Variants in LRCH1 observed in about 807,000 individuals in gnomAD.
LRCH1 encodes the protein leucine-rich repeat and calponin homology domain-containing protein 1.
LRCH1 carries 23 observed loss-of-function variants against 94.9 expected under a neutral mutation model. The ratio of observed to expected loss-of-function variants is 0.24; its 90% CI spans 0.17 to 0.34. LRCH1 has a LOEUF of 0.34. Among genes scored for constraint, LRCH1 ranks in the 10% least tolerant of loss-of-function variants. LRCH1 has a pLI of 1.00. For missense variants in LRCH1, 790 were observed against 945.9 expected, an observed-to-expected ratio of 0.84 and a Z score of 2.16; for synonymous variants, 364 against 354.9, an observed-to-expected ratio of 1.03 and a Z score of -0.29.
chr13:46,580,415 A>T (rs568412166), intron 1 of LRCH1, among the ~76,000 whole-genome samples: 22 of 152,188 alleles, frequency 1.4e-4, no homozygotes, highest in Non-Finnish European at 2.2e-4. Flanking sequence ...TATGCATCCT[A>T]CCCAGCAGTT....
At chr13:46,618,999 T>C (rs763665868) in intron 1 of LRCH1, among the ~76,000 whole-genome samples, 2 of 152,226 alleles carry the variant, frequency 1.3e-5, no homozygotes, top group Non-Finnish European at 2.9e-5. Flanking sequence ...AGAAAAATCC[T>C]GTCAGATTCT....
In LRCH1 at chr13:46,652,139, C is replaced by T. The variant is rs113519634; in HGVS notation, c.452+1794C>T. On this transcript the variant is annotated intron_variant, in intron 2 of 19. Transcript: ENST00000389797. ...TCGCCCAGGCTGGAGTGCAGTGGCG[C>T]GATCTCGGCTCACTGCAAGCTCCGC... Among the ~76,000 whole-genome samples the T allele has an allele frequency of 9.9e-3, 1,334 of 134,474 alleles. 37 individuals carry two copies. Among genetic ancestry groups the T allele is most frequent in the East Asian group, 0.041 (139 of 3,368 alleles). The allele number at this position is 134,474 out of a possible 152,430, so 88.2% of individuals were successfully genotyped here.
chr13:46,618,329 A>T (rs1357905500), intron 1 of LRCH1, among the ~76,000 whole-genome samples: 8 of 152,188 alleles, frequency 5.3e-5, no homozygotes, highest in Non-Finnish European at 1.5e-5. Flanking sequence ...ACTAAGGCAT[A>T]AAAAGTGAAA....
intron 18 of LRCH1, among the ~76,000 whole-genome samples, chr13:46,730,918 C>G (rs1419520161): frequency 1.3e-5 from 2 of 152,016 alleles, no homozygotes; most frequent in Non-Finnish European, 2.9e-5. Flanking sequence ...AGGAAAAATG[C>G]TACATTGTTT....
At chr13:46,665,443 G>A (rs1484985112) in intron 2 of LRCH1, among the ~76,000 whole-genome samples, 5 of 152,140 alleles carry the variant, frequency 3.3e-5, no homozygotes, top group African/African-American at 4.8e-5. Context: ...TGCAAATTTA[G>A]GCTGCCAAGA....
At chr13:46,692,761 T>C in intron 8 of LRCH1, 120 bp downstream of exon 8, 1 of 681,822 alleles carries the variant, frequency 1.5e-6, no homozygotes, top group South Asian at 1.9e-5. Flanking sequence ...ATGTACCAGG[T>C]ACTGTGTTCT....
rs759256613 is a variant in LRCH1, at chr13:46,630,836, G to A, written c.308-19365G>A. ...TAAAATAAACAAGGTGGGCAGTCCT[G>A]TATGTGAGGCATTTTTAAACTCTTT... On this transcript the variant is annotated intron_variant, in intron 1 of 19. Transcript: ENST00000389797. Among the ~76,000 whole-genome samples the A allele has an allele frequency of 1.5e-4, 23 of 152,246 alleles. 1 individual carries two copies. Among genetic ancestry groups the A allele is most frequent in the Admixed American group, 1.4e-3 (21 of 15,286 alleles).
At chr13:46,649,192 T>G (rs759874313) in intron 1 of LRCH1, among the ~76,000 whole-genome samples, 73 of 152,314 alleles carry the variant, frequency 4.8e-4, no homozygotes, top group Admixed American at 2.0e-3. Context: ...ACATTTTCTG[T>G]GTTTTCTTTG....
At chr13:46,604,454 A>G (rs2137989297) in intron 1 of LRCH1, among the ~76,000 whole-genome samples, 1 of 152,308 alleles carries the variant, frequency 6.6e-6, no homozygotes, top group East Asian at 1.9e-4. Flanking sequence ...GCAGTGGAAT[A>G]AATTAATTCT....
rs923396250 is a variant in LRCH1 at position 46,728,760 on chromosome 13, C to T, written c.1870-87C>T. 9 of 1,244,830 alleles carry T rather than the reference C, an allele frequency of 7.2e-6. No homozygotes were observed. In the Middle Eastern group the frequency reaches 8.1e-4, roughly 112 times the overall value. The allele number at this position is 1,244,830 out of a possible 1,614,324, so 77.1% of individuals were successfully genotyped here. On this transcript the variant is annotated intron_variant, in intron 17 of 19. Transcript: ENST00000389797. ...TTATTTCCTATGATGAAATTAGTGC[C>T]TCAGTTCATAAATACCCATAAATGT...
At chr13:46,571,908 G>A (rs2050245266) in intron 1 of LRCH1, among the ~76,000 whole-genome samples, 1 of 151,920 alleles carries the variant, frequency 6.6e-6, no homozygotes, top group African/African-American at 2.4e-5. Flanking sequence ...GAGCGGGAGG[G>A]AGGGAGGGAG....
chr13:46,668,940 T>A, intron 2 of LRCH1, 90 bp from the exon 3 acceptor site: 11 of 1,378,840 alleles, frequency 8.0e-6, no homozygotes, highest in Non-Finnish European at 1.1e-5. Flanking sequence ...CTCAGATCAC[T>A]CCTTTTTCCT....
At chr13:46,740,245 C>T (rs1180878519) in intron 19 of LRCH1, among the ~76,000 whole-genome samples, 1 of 152,154 alleles carries the variant, frequency 6.6e-6, no homozygotes, top group African/African-American at 2.4e-5. Context: ...CTTGGGAGAA[C>T]CCTAACAGTG....
chr13:46,644,469 A>G (rs920259608), intron 1 of LRCH1, among the ~76,000 whole-genome samples: 7 of 152,238 alleles, frequency 4.6e-5, no homozygotes, highest in African/African-American at 1.7e-4. Flanking sequence ...GGATGCATAC[A>G]TAATTCAGCA....
chr13:46,617,474 G>A (rs764048246), intron 1 of LRCH1, among the ~76,000 whole-genome samples: 2 of 152,210 alleles, frequency 1.3e-5, no homozygotes, highest in East Asian at 1.9e-4. Context: ...CAGGAGATAC[G>A]AAGGGTCATG....
chr13:46,580,518 C>G (rs564420625), intron 1 of LRCH1, among the ~76,000 whole-genome samples: 2 of 152,204 alleles, frequency 1.3e-5, no homozygotes, highest in South Asian at 4.1e-4. Context: ...TCTGCTCCAA[C>G]AGTCTTAACG....
At chr13:46,602,962 G>GCATGCATGCATGCATGCATGCATA (rs2050644586) in intron 1 of LRCH1, among the ~76,000 whole-genome samples, 3 of 120,166 alleles carry the variant, frequency 2.5e-5, no homozygotes, top group Non-Finnish European at 5.0e-5. Flanking sequence ...ATACATACAT[G>GCATGCATGCATGCATGCATGCATA]CATACATACA....
At position 46,584,141 on chromosome 13, in the gene LRCH1, T is replaced by C. The variant is rs145429740; in HGVS notation, c.307+30438T>C. Among the ~76,000 whole-genome samples the C allele has an allele frequency of 4.6e-5, 7 of 152,330 alleles. No individual in the cohort carries two copies. The East Asian group carries it at 1.4e-3, about 29-fold the overall frequency. On this transcript the variant is annotated intron_variant, in intron 1 of 19. Transcript: ENST00000389797. ...TGTACTGAAAGACATAGGATAATTA[T>C]GACACTTCAATTATAGTCCGTTCAA...
intron 11 of LRCH1, among the ~76,000 whole-genome samples, chr13:46,701,696 C>G (rs1476280437): frequency 6.6e-6 from 1 of 152,046 alleles, no homozygotes; most frequent in South Asian, 2.1e-4. Context: ...TCTGAATTTG[C>G]CTTGATCGAT....
Sources: allele counts gnomAD v4.1 joint callset (sites outside exome capture counted in the v4.1 genomes callset), GRCh38; gene constraint gnomAD v4.1.1; transcripts MANE v1.5; gene names NCBI Gene and HGNC (gene_info 2026-07-23, HGNC 2026-07-21).